Variants in PLD5 observed in about 807,000 individuals in gnomAD.
The protein encoded by PLD5 is inactive phospholipase D5.
PLD5 carries 36 observed loss-of-function variants against 61.1 expected under a neutral mutation model. The observed-to-expected ratio is 0.59, with a 90% CI of 0.45 to 0.78. The LOEUF (loss-of-function observed/expected upper bound fraction) is 0.78. PLD5 is among the 30% of genes least tolerant of loss of function. The probability of loss-of-function intolerance (pLI) is 0.00; values close to 1 mark genes in which losing one functional copy is unlikely to be tolerated. For synonymous variants in PLD5, 243 were observed against 242.8 expected (o/e 1.00, Z -0.01); for missense variants, 515 against 644.4 (o/e 0.80, Z 2.17).
intron 1 of PLD5, among the ~76,000 whole-genome samples, chr1:242,408,834 C>A (rs1441201835): frequency 6.6e-6 from 1 of 151,988 alleles, no homozygotes. Context: ...TTTAGGAGGC[C>A]GAGATGGGCA....
intron 4 of PLD5, among the ~76,000 whole-genome samples, chr1:242,258,740 T>G (rs1472889375): frequency 6.6e-6 from 1 of 152,200 alleles, no homozygotes; most frequent in Non-Finnish European, 1.5e-5. Context: ...AAAAACAAGC[T>G]TCTGATTAGA....
chr1:242,229,138 G>A (rs556503935), intron 4 of PLD5, among the ~76,000 whole-genome samples: 1 of 152,280 alleles, frequency 6.6e-6, no homozygotes, highest in African/African-American at 2.4e-5. Context: ...CTCAAAGGCT[G>A]AAGATTCAAA....
At chr1:242,334,758 C>T (rs61171779) in intron 2 of PLD5, among the ~76,000 whole-genome samples, 121,601 of 152,086 alleles carry the variant, frequency 0.8, 49,072 homozygotes, top group Non-Finnish European at 0.85. Flanking sequence ...TTCTGAGAAA[C>T]GAGGACTGCC....
At position 242,350,434 on chromosome 1, in the gene PLD5, T is replaced by TAC. The variant is rs57955584; in HGVS notation, c.190-2194_190-2193dup. ...AGTGATAAATATATGTATACACACG[T>TAC]ACACACACACACACACACACACACA... On this transcript the variant is annotated intron_variant, in intron 1 of 9. Transcript: ENST00000536534. Among the ~76,000 whole-genome samples, 907 of 145,398 alleles carry TAC rather than the reference T, an allele frequency of 6.2e-3. 9 individuals carry two copies. The highest frequency in any genetic ancestry group is 0.02 in the African/African-American group (803 of 39,190).
intron 2 of PLD5, among the ~76,000 whole-genome samples, chr1:242,312,616 A>C (rs1676768507): frequency 6.6e-6 from 1 of 152,068 alleles, no homozygotes; most frequent in African/African-American, 2.4e-5. Context: ...TGAAATCCAA[A>C]CTGTGCCACT....
intron 1 of PLD5, among the ~76,000 whole-genome samples, chr1:242,384,504 T>C (rs993380836): frequency 6.6e-6 from 1 of 152,232 alleles, no homozygotes; most frequent in Non-Finnish European, 1.5e-5. Flanking sequence ...AAGAATTGTA[T>C]CCACTGGCTA....
chr1:242,468,875 A>G (rs1322398203), intron 1 of PLD5, among the ~76,000 whole-genome samples: 2 of 152,178 alleles, frequency 1.3e-5, no homozygotes, highest in South Asian at 2.1e-4. Flanking sequence ...ACCATGACTC[A>G]CAACAACCCT....
chr1:242,206,314 A>G (rs1669309081), intron 5 of PLD5, among the ~76,000 whole-genome samples: 1 of 152,186 alleles, frequency 6.6e-6, no homozygotes, highest in Non-Finnish European at 1.5e-5. Flanking sequence ...ACAGCCCATC[A>G]GTCACTATGA....
rs139998365 is a variant in PLD5 at position 242,434,223 on chromosome 1, G to T, written c.190-85981C>A. Among the ~76,000 whole-genome samples, 24 of 152,304 alleles carry T rather than the reference G, an allele frequency of 1.6e-4. No individual in the cohort carries two copies. In the East Asian group the frequency reaches 4.4e-3, roughly 28 times the overall value. On this transcript the variant is annotated intron_variant, in intron 1 of 9. Coordinates refer to ENST00000536534, the MANE Select transcript of PLD5 (RefSeq NM_001372062.1). ...AGCGTCGGTAGAAATGGTGGATGGC[G>T]GTCAGTTTCTGGATACCTCATGAAT...
At chr1:242,527,940 C>T (rs1384875070), upstream of PLD5, among the ~76,000 whole-genome samples, 1 of 152,122 alleles carries the variant, frequency 6.6e-6, no homozygotes, top group Non-Finnish European at 1.5e-5. Flanking sequence ...TGTTATGGAC[C>T]ATCCATCCTA....
At chr1:242,365,773 G>A in intron 1 of PLD5, 1 of 212,864 alleles carries the variant, frequency 4.7e-6, no homozygotes, top group Non-Finnish European at 9.2e-6. Context: ...TTGGCAGAAT[G>A]TCTAGGCTTT....
chr1:242,301,120 C>G (rs1676011674), intron 2 of PLD5, among the ~76,000 whole-genome samples: 1 of 152,080 alleles, frequency 6.6e-6, no homozygotes, highest in South Asian at 2.1e-4. Flanking sequence ...CCTATCCCAC[C>G]CTCAACACCC....
At chr1:242,450,233 CTT>C (rs2102922654) in intron 1 of PLD5, among the ~76,000 whole-genome samples, 1 of 152,310 alleles carries the variant, frequency 6.6e-6, no homozygotes, top group South Asian at 2.1e-4. Flanking sequence ...AGACAGGACT[CTT>C]TAGAATAATA....
rs538863639 is a variant in PLD5, at chr1:242,249,716, A to G, written c.607+15621T>C. 3.3e-5 allele frequency among the ~76,000 whole-genome samples: 5 copies of G among 152,346 alleles called. No homozygotes were observed. The South Asian group carries it at 6.2e-4, about 19-fold the overall frequency. On this transcript the variant is annotated intron_variant, in intron 4 of 9. Coordinates refer to ENST00000536534, the MANE Select transcript of PLD5 (RefSeq NM_001372062.1). Reference sequence around the variant, plus strand: ...ATCATCTAACTGGGCAAATGACCAGAAAAAATAATGTAGAAAAAAACATTC... The same window carrying G: ...ATCATCTAACTGGGCAAATGACCAGGAAAAATAATGTAGAAAAAAACATTC...
At chr1:242,329,527 C>T (rs567070722) in intron 2 of PLD5, among the ~76,000 whole-genome samples, 38 of 152,272 alleles carry the variant, frequency 2.5e-4, no homozygotes, top group African/African-American at 7.9e-4. Context: ...CCACGGGACA[C>T]TACCATATTC....
chr1:242,330,135 C>G (rs1427188216), intron 2 of PLD5, among the ~76,000 whole-genome samples: 1 of 152,164 alleles, frequency 6.6e-6, no homozygotes, highest in African/African-American at 2.4e-5. Context: ...GATTCTCCAA[C>G]AGGCATCCAG....
At chr1:242,481,229 G>A in intron 1 of PLD5, among the ~76,000 whole-genome samples, 1 of 152,174 alleles carries the variant, frequency 6.6e-6, no homozygotes, top group East Asian at 1.9e-4. Flanking sequence ...AGTGGGTGCA[G>A]CGCACCAAAC....
In PLD5 at chr1:242,394,186, ATATATGAGTATATATATGTG is replaced by A. The variant is rs1369473936; in HGVS notation, c.190-45964_190-45945del. On this transcript the variant is annotated intron_variant, in intron 1 of 9. Transcript: ENST00000536534. Reference sequence around the variant, plus strand: ...AGTATATATATGTGTATATATGAGTATATATGAGTATATATATGTGTATATGAGTATATATATGTGTATAT... The same window carrying A: ...AGTATATATATGTGTATATATGAGTATATATGAGTATATATATGTGTATAT... Among the ~76,000 whole-genome samples, 26 of 78,716 alleles carry A rather than the reference ATATATGAGTATATATATGTG, an allele frequency of 3.3e-4. 4 individuals carry two copies. In the East Asian group the frequency reaches 6.3e-3, roughly 19 times the overall value. 51.6% of individuals were successfully genotyped at this position (78,716 alleles called of 152,430 possible). A position where few individuals can be genotyped will look rare whatever the true frequency, so the allele number is the denominator to read the frequency against.
intron 2 of PLD5, among the ~76,000 whole-genome samples, chr1:242,329,594 AC>A (rs1393773930): frequency 5.9e-5 from 9 of 152,162 alleles, no homozygotes; most frequent in African/African-American, 2.2e-4. Flanking sequence ...CTGAATTAAA[AC>A]TTTAAGAATC....
Sources: gnomAD v4.1 joint callset for allele counts (sites outside exome capture counted in the v4.1 genomes callset) on GRCh38, gnomAD v4.1.1 for gene constraint, MANE v1.5 for transcripts, NCBI Gene and HGNC (gene_info 2026-07-23, HGNC 2026-07-21) for gene names.